PTGFR: variants seen among roughly 807,000 people sequenced by gnomAD.
PTGFR encodes the protein prostaglandin F2-alpha receptor.
Under a neutral mutation model 26.2 loss-of-function variants are expected in PTGFR, and 15 were observed. That is an observed-to-expected ratio of 0.57 (90% confidence interval 0.38 to 0.88). The LOEUF (loss-of-function observed/expected upper bound fraction) is 0.88, where lower values mean the gene tolerates loss of function less well. PTGFR is among the 40% of genes least tolerant of loss of function. The probability of loss-of-function intolerance (pLI) is 0.00; values close to 1 mark genes in which losing one functional copy is unlikely to be tolerated. For synonymous variants in PTGFR, 165 were observed against 151.1 expected (o/e 1.09, Z -0.68); for missense variants, 369 against 427.2 (o/e 0.86, Z 1.20).
At chr1:78,520,578 T>C (rs1650198932) in intron 2 of PTGFR, among the ~76,000 whole-genome samples, 1 of 152,078 alleles carries the variant, frequency 6.6e-6, no homozygotes, top group African/African-American at 2.4e-5. Context: ...TCTTTGGTGG[T>C]CATTTTCAGA....
chr1:78,502,163 C>T (rs573045239), intron 2 of PTGFR, among the ~76,000 whole-genome samples: 1 of 152,272 alleles, frequency 6.6e-6, no homozygotes, highest in South Asian at 2.1e-4. Flanking sequence ...TGCCTGCTAA[C>T]CTCCTAAATA....
intron 2 of PTGFR, among the ~76,000 whole-genome samples, chr1:78,531,779 T>C (rs1650513190): frequency 6.6e-6 from 1 of 152,132 alleles, no homozygotes; most frequent in Non-Finnish European, 1.5e-5. Flanking sequence ...AACTCAAGTG[T>C]AGGAGTCTCT....
intron 2 of PTGFR, among the ~76,000 whole-genome samples, chr1:78,501,434 C>T (rs148071694): frequency 1.3e-5 from 2 of 152,248 alleles, no homozygotes; most frequent in African/African-American, 4.8e-5. Context: ...GTAAATATAC[C>T]TTTCAGAGCT....
chr1:78,536,743 A>T lies in PTGFR; in HGVS notation c.*56A>T. 1.3e-6 allele frequency: 2 copies of T among 1,529,648 alleles called. No homozygotes were observed. The highest frequency in any genetic ancestry group is 1.8e-4 in the Middle Eastern group (1 of 5,674). The allele number at this position is 1,529,648 out of a possible 1,614,324, so 94.8% of individuals were successfully genotyped here. ...AGAACAAAATTAAGACATGTTTGGC[A>T]ATATTTCAGTTAGTTAAATACCTGT... On this transcript the variant is annotated 3_prime_UTR_variant, in exon 3 of 3. Transcript: ENST00000370757.
rs2100406681 is a variant in PTGFR at position 78,536,433 on chromosome 1, G to A, written c.826G>A (p.Gly276Arg). The stretch of plus-strand genomic sequence containing the variant: ...TACAATGGCCAACATTGGAATAAAT[G>A]GAAATCATTCTCTGGAAACCTGTGA... ...LVTMANIGIN[G>R]NHSLETCETT... Residue 276 changes from glycine to arginine, a missense_variant, in exon 3 of 3, where the codon GGA (glycine) becomes AGA (arginine). By Grantham distance (125) the Gly-to-Arg change is moderately radical (BLOSUM62 -2). Transcript: ENST00000370757. 1 of 1,612,186 alleles carries A rather than the reference G, an allele frequency of 6.2e-7. No individual in the cohort carries two copies. Among genetic ancestry groups the A allele is most frequent in the East Asian group, 2.2e-5 (1 of 44,804 alleles).
chr1:78,508,725 G>C (rs937082102), intron 2 of PTGFR, among the ~76,000 whole-genome samples: 6 of 152,210 alleles, frequency 3.9e-5, no homozygotes, highest in Non-Finnish European at 7.4e-5. Flanking sequence ...AAAATGTAAA[G>C]GTAAAATCAC....
At position 78,502,227 on chromosome 1, in the gene PTGFR, G is replaced by A. The variant is rs187768712; in HGVS notation, c.798+8686G>A. ...TAGATCAGAGTTGTGAGTGGTACCA[G>A]GGAGTAAAGGATAAAGATCTTTCCT... On this transcript the variant is annotated intron_variant, in intron 2 of 2. Transcript: ENST00000370757. Among the ~76,000 whole-genome samples the A allele has an allele frequency of 2.6e-5, 4 of 152,210 alleles. No individual in the cohort carries two copies. In the East Asian group the frequency reaches 7.7e-4, roughly 29 times the overall value.
Position 78,493,254 on chromosome 1 carries a change from A to T in PTGFR, c.511A>T (p.Ile171Phe). The T allele has an allele frequency of 6.2e-7, 1 of 1,614,142 alleles. No individual in the cohort carries two copies. Among genetic ancestry groups the T allele is most frequent in the Non-Finnish European group, 8.5e-7 (1 of 1,180,000 alleles). ...TGCTGTTTTCATAGCTTTGCTGCCC[A>T]TCCTTGGACATCGAGACTATAAAAT... ...LFAVFIALLPILGHRDYKIQA... is the reference protein window; with the variant it reads ...LFAVFIALLPFLGHRDYKIQA... The change falls in exon 2 of 3, where the codon ATC (isoleucine) becomes TTC (phenylalanine). Residue 171 changes from isoleucine to phenylalanine, a missense_variant. Ile to Phe is a conservative substitution (Grantham distance 21). Coordinates refer to ENST00000370757, the MANE Select transcript of PTGFR (RefSeq NM_000959.4).
At chr1:78,503,429 G>A (rs1649756050) in intron 2 of PTGFR, among the ~76,000 whole-genome samples, 1 of 152,084 alleles carries the variant, frequency 6.6e-6, no homozygotes, top group African/African-American at 2.4e-5. Flanking sequence ...CTGTGAATAT[G>A]AGTAATAGGA....
intron 2 of PTGFR, among the ~76,000 whole-genome samples, chr1:78,499,308 C>T (rs1439592796): frequency 6.6e-6 from 1 of 152,206 alleles, no homozygotes; most frequent in South Asian, 2.1e-4. Context: ...GCTTTATCTC[C>T]CTCATAGGAC....
intron 2 of PTGFR, among the ~76,000 whole-genome samples, chr1:78,502,359 C>T (rs1329013376): frequency 6.6e-6 from 1 of 152,170 alleles, no homozygotes; most frequent in Non-Finnish European, 1.5e-5. Context: ...GTTTCTTTCA[C>T]TTCCTGGCCA....
chr1:78,512,818 G>A (rs1570282250), intron 2 of PTGFR, among the ~76,000 whole-genome samples: 1 of 152,224 alleles, frequency 6.6e-6, no homozygotes, highest in Non-Finnish European at 1.5e-5. Context: ...TCCTTGGTAA[G>A]TGAGTTCTGC....
At chr1:78,522,961 G>A (rs1650282103) in intron 2 of PTGFR, among the ~76,000 whole-genome samples, 1 of 151,950 alleles carries the variant, frequency 6.6e-6, no homozygotes, top group South Asian at 2.1e-4. Flanking sequence ...TTATTATTAT[G>A]TTAACCAAAC....
chr1:78,506,691 C>T (rs1220481896), intron 2 of PTGFR, among the ~76,000 whole-genome samples: 1 of 151,724 alleles, frequency 6.6e-6, no homozygotes, highest in Non-Finnish European at 1.5e-5. Context: ...ATGTAATAAC[C>T]TAATAAATAT....
chr1:78,492,664 T>C lies in PTGFR; in HGVS notation c.-72-8T>C. 1 of 1,342,836 alleles carries C rather than the reference T, an allele frequency of 7.4e-7. No individual in the cohort carries two copies. The highest frequency in any genetic ancestry group is 1.0e-6 in the Non-Finnish European group (1 of 978,062). 83.2% of individuals were successfully genotyped at this position (1,342,836 alleles called of 1,614,324 possible). A position where few individuals can be genotyped will look rare whatever the true frequency, so the allele number is the denominator to read the frequency against. ...GGTGTTCATAATTCCTCTCCCTTTA[T>C]CCTACAGATGTCTGGACTGCAATCC... On this transcript the variant is annotated splice_region_variant and splice_polypyrimidine_tract_variant and intron_variant, in intron 1 of 2. Coordinates refer to ENST00000370757, the MANE Select transcript of PTGFR (RefSeq NM_000959.4).
chr1:78,499,195 G>A (rs546478751), intron 2 of PTGFR, among the ~76,000 whole-genome samples: 18 of 152,096 alleles, frequency 1.2e-4, no homozygotes, highest in African/African-American at 9.7e-5. Context: ...TGACATTCAC[G>A]TGACTCTCTC....
intron 2 of PTGFR, among the ~76,000 whole-genome samples, chr1:78,521,226 AATT>A (rs781603149): frequency 6.6e-6 from 1 of 152,134 alleles, no homozygotes; most frequent in Non-Finnish European, 1.5e-5. Flanking sequence ...TGGGAAAAAC[AATT>A]ATTAAGAGAA....
At chr1:78,520,948 C>T (rs1650207223) in intron 2 of PTGFR, among the ~76,000 whole-genome samples, 1 of 152,084 alleles carries the variant, frequency 6.6e-6, no homozygotes, top group South Asian at 2.1e-4. Flanking sequence ...CCAGCATTCA[C>T]ATGCTTGCAA....
intron 2 of PTGFR, among the ~76,000 whole-genome samples, chr1:78,501,360 A>G (rs575103261): frequency 2.0e-5 from 3 of 152,342 alleles, no homozygotes; most frequent in South Asian, 4.1e-4. Context: ...CTGATACATC[A>G]GTGTCATTTA....
Sources: gnomAD v4.1 joint callset for allele counts (sites outside exome capture counted in the v4.1 genomes callset) on GRCh38, gnomAD v4.1.1 for gene constraint, MANE v1.5 for transcripts, NCBI Gene and HGNC (gene_info 2026-07-23, HGNC 2026-07-21) for gene names.